IL34: variants seen among roughly 807,000 people sequenced by gnomAD.
IL34 encodes interleukin 34.
Under a neutral mutation model 25.3 loss-of-function variants are expected in IL34, and 17 were observed. That is an observed-to-expected ratio of 0.67 (90% confidence interval 0.46 to 1.01). The LOEUF (loss-of-function observed/expected upper bound fraction) is 1.01. Ranked by LOEUF, IL34 falls within the 50% of genes least tolerant of loss-of-function variation. The pLI, the probability that IL34 is intolerant of heterozygous loss-of-function variation, is 0.00. For missense variants in IL34, 368 were observed against 312.9 expected (o/e 1.18, Z -1.33); for synonymous variants, 174 against 140.9 (o/e 1.23, Z -1.66).
At chr16:70,625,814 G>A (rs539748719) in intron 1 of IL34, among the ~76,000 whole-genome samples, 3 of 152,334 alleles carry the variant, frequency 2.0e-5, no homozygotes, top group African/African-American at 4.8e-5. Flanking sequence ...AGGAGAAAGA[G>A]GTTGAGGGAT....
intron 1 of IL34, among the ~76,000 whole-genome samples, chr16:70,628,960 G>A (rs923391834): frequency 2.0e-5 from 3 of 151,500 alleles, no homozygotes; most frequent in African/African-American, 7.3e-5. Flanking sequence ...ACTAACTTTT[G>A]TATTTTTAAT....
At chr16:70,633,251 A>G (rs4985550) in intron 1 of IL34, among the ~76,000 whole-genome samples, 50,226 of 150,404 alleles carry the variant, frequency 0.33, 8,415 homozygotes, top group South Asian at 0.47. Flanking sequence ...AAGTGCCCAG[A>G]CTGATTTTTT....
intron 1 of IL34, among the ~76,000 whole-genome samples, chr16:70,626,064 C>T (rs2051387257): frequency 6.6e-6 from 1 of 152,212 alleles, no homozygotes; most frequent in African/African-American, 2.4e-5. Context: ...GTGTGACCAA[C>T]ATGGCTGTTT....
At chr16:70,589,131 A>G (rs1385940134) in intron 1 of IL34, among the ~76,000 whole-genome samples, 2 of 152,126 alleles carry the variant, frequency 1.3e-5, no homozygotes, top group Non-Finnish European at 2.9e-5. Context: ...CGGGAGGTGG[A>G]GGTTGCAGTG....
At chr16:70,655,759 A>T (rs2052202583) in intron 2 of IL34, among the ~76,000 whole-genome samples, 1 of 151,922 alleles carries the variant, frequency 6.6e-6, no homozygotes, top group Admixed American at 6.6e-5. Flanking sequence ...TCCAGGCTGA[A>T]GTGTAGTGGC....
chr16:70,635,156 G>T (rs377665195), intron 1 of IL34, among the ~76,000 whole-genome samples: 4 of 152,272 alleles, frequency 2.6e-5, no homozygotes, highest in African/African-American at 4.8e-5. Flanking sequence ...GTTTAACTTT[G>T]TTAGAATCGC....
At chr16:70,591,419 G>A (rs2050752439) in intron 1 of IL34, among the ~76,000 whole-genome samples, 1 of 151,938 alleles carries the variant, frequency 6.6e-6, no homozygotes. Flanking sequence ...GAATGACCCA[G>A]TTAGCCGGGC....
chr16:70,647,781 C>T (rs1027393717), intron 1 of IL34, among the ~76,000 whole-genome samples: 4 of 152,212 alleles, frequency 2.6e-5, no homozygotes, highest in Non-Finnish European at 5.9e-5. Context: ...GAGTTGGGTC[C>T]ACCCTGGCCC....
chr16:70,602,939 A>C (rs777218283), intron 1 of IL34, among the ~76,000 whole-genome samples: 1 of 151,760 alleles, frequency 6.6e-6, no homozygotes, highest in African/African-American at 2.4e-5. Flanking sequence ...GCATGAGTCC[A>C]TGTTTCACGG....
intron 1 of IL34, among the ~76,000 whole-genome samples, chr16:70,621,344 GTC>G (rs2051277776): frequency 6.6e-6 from 1 of 152,094 alleles, no homozygotes; most frequent in Non-Finnish European, 1.5e-5. Context: ...TGTCTCCTTC[GTC>G]TCTCCCAGAA....
At position 70,599,304 on chromosome 16, in the gene IL34, C is replaced by CTTTCTTT. The variant is rs372428379; in HGVS notation, c.-401+19255_-401+19256insTTTCTTT. Among the ~76,000 whole-genome samples, 134 of 125,998 alleles carry CTTTCTTT rather than the reference C, an allele frequency of 1.1e-3. 2 individuals are homozygous for CTTTCTTT. The highest frequency in any genetic ancestry group is 6.7e-3 in the Admixed American group (82 of 12,286). The allele number at this position is 125,998 out of a possible 152,430, so 82.7% of individuals were successfully genotyped here. On this transcript the variant is annotated intron_variant, in intron 1 of 6. Transcript: ENST00000429149. ...TTCTTTCTTTCTTTCTTCTTTCTTT[C>CTTTCTTT]CTTCTTTCTTTCTTTTCTTTCTTTC...
chr16:70,625,128 C>A (rs909032125), intron 1 of IL34, among the ~76,000 whole-genome samples: 32 of 151,984 alleles, frequency 2.1e-4, no homozygotes, highest in Admixed American at 7.2e-4. Context: ...GGTCAAGCAG[C>A]ATTGCAGAAG....
upstream of IL34, among the ~76,000 whole-genome samples, chr16:70,645,689 C>G (rs560111853): frequency 3.5e-4 from 53 of 152,300 alleles, 2 homozygotes; most frequent in South Asian, 0.01. Context: ...TTCTGGGCCT[C>G]AGTTTCCTCA....
rs2151890292 is a variant in IL34 at position 70,660,367 on chromosome 16, T to TGGCCTC, written c.*180_*181insGGCCTC. On this transcript the variant is annotated 3_prime_UTR_variant, in exon 6 of 6. Coordinates refer to ENST00000288098, the MANE Select transcript of IL34 (RefSeq NM_001393494.1). ...GCAGGGCTCAGCTTCCTGCCTTCCA[T>TGGCCTC]AGCTGTCATGGCCTCACCTGGAGCG... 1 of 572,904 alleles carries TGGCCTC rather than the reference T, an allele frequency of 1.7e-6. No individual in the cohort carries two copies. The highest frequency in any genetic ancestry group is 1.9e-5 in the African/African-American group (1 of 52,650). 35.5% of individuals were successfully genotyped at this position (572,904 alleles called of 1,614,324 possible).
chr16:70,626,243 CTCTTT>C (rs1202933742), intron 1 of IL34, among the ~76,000 whole-genome samples: 3 of 151,948 alleles, frequency 2.0e-5, no homozygotes, highest in African/African-American at 7.3e-5. Flanking sequence ...TTTAGTGTGT[CTCTTT>C]TATTTTATTA....
At chr16:70,629,703 C>CTT (rs753038665) in intron 1 of IL34, among the ~76,000 whole-genome samples, 1 of 140,536 alleles carries the variant, frequency 7.1e-6, no homozygotes, top group African/African-American at 2.6e-5. Flanking sequence ...ACATTTTTTT[C>CTT]TTTTTTTTTT....
chr16:70,606,862 A>G (rs2051013100), intron 1 of IL34, among the ~76,000 whole-genome samples: 2 of 152,176 alleles, frequency 1.3e-5, no homozygotes, highest in African/African-American at 2.4e-5. Flanking sequence ...TGGTGGGGTT[A>G]CAGGTGTAAG....
At chr16:70,588,204 GGCCGGGT>G (rs1163375541) in intron 1 of IL34, among the ~76,000 whole-genome samples, 1 of 151,796 alleles carries the variant, frequency 6.6e-6, no homozygotes, top group African/African-American at 2.4e-5. Flanking sequence ...AACAAGTAGA[GGCCGGGT>G]GCGGTGGCTC....
chr16:70,617,078 G>C (rs1370207915), intron 1 of IL34, among the ~76,000 whole-genome samples: 3 of 152,272 alleles, frequency 2.0e-5, no homozygotes, highest in African/African-American at 7.2e-5. Context: ...GAGAGATTAA[G>C]CTGAAGGAAG....
Sources: gnomAD v4.1 joint callset for allele counts (sites outside exome capture counted in the v4.1 genomes callset) on GRCh38, gnomAD v4.1.1 for gene constraint, MANE v1.5 for transcripts, NCBI Gene and HGNC (gene_info 2026-07-23, HGNC 2026-07-21) for gene names.